OR3A3: variants seen among roughly 807,000 people sequenced by gnomAD.
The protein encoded by OR3A3 is olfactory receptor family 3 subfamily A member 3.
For synonymous variants in OR3A3, 103 were observed against 163.9 expected, an observed-to-expected ratio of 0.63 and a Z score of 2.84; for missense variants, 275 against 391.4, an observed-to-expected ratio of 0.70 and a Z score of 2.51.
chr17:3,420,794 C>T, exon 3 of OR3A3: 2 of 1,304,020 alleles, frequency 1.5e-6, no homozygotes, highest in Non-Finnish European at 2.1e-6. Flanking sequence ...GGGAACCTGT[C>T]AGTGCTGGAT....
chr17:3,421,142 A>C, exon 3 of OR3A3: 1 of 1,614,174 alleles, frequency 6.2e-7, no homozygotes, highest in Non-Finnish European at 8.5e-7. Flanking sequence ...GACCTCCCAC[A>C]GCTCTTCCAG....
chr17:3,414,885 A>G (rs1597375265), intron 2 of OR3A3, among the ~76,000 whole-genome samples: 1 of 150,596 alleles, frequency 6.6e-6, no homozygotes, highest in East Asian at 2.0e-4. Flanking sequence ...GATCATTCAT[A>G]AAAAGTATAT....
At chr17:3,415,561 C>CAAA (rs373566506) in intron 2 of OR3A3, among the ~76,000 whole-genome samples, 2 of 110,776 alleles carry the variant, frequency 1.8e-5, no homozygotes, top group African/African-American at 3.7e-5. Flanking sequence ...AACTCCAACT[C>CAAA]AAAAAAAAAA....
At chr17:3,417,230 G>A (rs1249913269) in intron 2 of OR3A3, among the ~76,000 whole-genome samples, 1 of 151,992 alleles carries the variant, frequency 6.6e-6, no homozygotes, top group Non-Finnish European at 1.5e-5. Context: ...AATTCCTTTA[G>A]ATTTTCTTAA....
chr17:3,422,804 G>C (rs2072444224), exon 3 of OR3A3: 1 of 152,682 alleles, frequency 6.5e-6, no homozygotes, highest in South Asian at 2.1e-4. Context: ...GATGGGCTGA[G>C]ATAAGGTTGT....
At chr17:3,422,957 A>G (rs1448946560) in exon 3 of OR3A3, 1 of 152,250 alleles carries the variant, frequency 6.6e-6, no homozygotes, top group African/African-American at 2.4e-5. Flanking sequence ...AAATGATGCA[A>G]TGAGAGAATG....
At chr17:3,420,058 C>T (rs775998405) in intron 2 of OR3A3, among the ~76,000 whole-genome samples, 19 of 152,226 alleles carry the variant, frequency 1.2e-4, no homozygotes, top group Admixed American at 5.2e-4. Context: ...TGAGCCACTG[C>T]GCCCGGGGAA....
At chr17:3,413,638 C>A (rs1342948599) in intron 2 of OR3A3, among the ~76,000 whole-genome samples, 4 of 151,922 alleles carry the variant, frequency 2.6e-5, no homozygotes, top group Admixed American at 1.3e-4. Flanking sequence ...CATGGTGAAA[C>A]CCTGTCTCTA....
chr17:3,419,825 C>G (rs1427160256), intron 2 of OR3A3, among the ~76,000 whole-genome samples: 1 of 149,488 alleles, frequency 6.7e-6, no homozygotes, highest in African/African-American at 2.5e-5. Context: ...GCTCCACCTC[C>G]TGGGTTCACA....
chr17:3,418,354 C>T (rs1036985829), intron 2 of OR3A3, among the ~76,000 whole-genome samples: 1 of 152,186 alleles, frequency 6.6e-6, no homozygotes, highest in Non-Finnish European at 1.5e-5. Context: ...TCTTGATTCA[C>T]GGTTGTTTTT....
At chr17:3,419,859 A>G (rs9910972) in intron 2 of OR3A3, among the ~76,000 whole-genome samples, 3,708 of 148,264 alleles carry the variant, frequency 0.025, 152 homozygotes, top group African/African-American at 0.087. Context: ...TCAGCCTCCC[A>G]GGTTCACGCC....
chr17:3,422,913 A>C (rs1012240747), exon 3 of OR3A3: 3 of 152,274 alleles, frequency 2.0e-5, no homozygotes, highest in African/African-American at 7.2e-5. Context: ...TGATGAGCAA[A>C]AGTGGTAAGA....
intron 2 of OR3A3, among the ~76,000 whole-genome samples, chr17:3,415,885 T>A (rs1390243059): frequency 1.3e-5 from 2 of 149,796 alleles, no homozygotes. Flanking sequence ...CTTGGCTCAC[T>A]ACAACCTCCA....
chr17:3,421,237 AGT>A lies in OR3A3; in HGVS notation c.657_658del (p.Ser220LeufsTer15). On this transcript the variant is annotated frameshift_variant, in exon 3 of 3. Coordinates refer to ENST00000641141, the Ensembl canonical transcript of OR3A3. LOFTEE classifies it low-confidence loss of function (END_TRUNC). ...GGCTGTGGCACCCTTGGTCTTCATC[AGT>A]GTGTCCTATGCCCATGTGGTAGCTG... The A allele has an allele frequency of 6.2e-7, 1 of 1,614,134 alleles. No individual in the cohort carries two copies.
At chr17:3,413,872 T>C (rs1454323634) in intron 2 of OR3A3, among the ~76,000 whole-genome samples, 1 of 151,180 alleles carries the variant, frequency 6.6e-6, no homozygotes, top group African/African-American at 2.4e-5. Flanking sequence ...AAGGACCTCT[T>C]AGAGATTACC....
At chr17:3,421,169 C>T (rs755511397) in exon 3 of OR3A3, 5 of 1,614,208 alleles carry the variant, frequency 3.1e-6, no homozygotes, top group East Asian at 2.2e-5. Flanking sequence ...TGCTCCAGCA[C>T]CCAACTCAAT....
chr17:3,421,633 T>A, exon 3 of OR3A3: 1 of 1,346,234 alleles, frequency 7.4e-7, no homozygotes, highest in Non-Finnish European at 1.0e-6. Context: ...TATCTCCTGA[T>A]GCCTGAGGAG....
At chr17:3,421,178 A>G (rs1597376669) in exon 3 of OR3A3, 1 of 1,614,128 alleles carries the variant, frequency 6.2e-7, no homozygotes, top group East Asian at 2.2e-5. Flanking sequence ...ACCCAACTCA[A>G]TGAGCTGCTG....
chr17:3,420,602 G>C, exon 3 of OR3A3: 1 of 1,522,572 alleles, frequency 6.6e-7, no homozygotes, highest in Non-Finnish European at 8.8e-7. Context: ...CCAGAAGCTG[G>C]GACCAATAGG....
Sources: allele counts gnomAD v4.1 joint callset (sites outside exome capture counted in the v4.1 genomes callset), GRCh38; gene constraint gnomAD v4.1.1; transcripts MANE v1.5; gene names NCBI Gene and HGNC (gene_info 2026-07-23, HGNC 2026-07-21).